The following OR3A2 variants were observed in gnomAD, a reference collection of about 807,000 sequenced individuals.
OR3A2 encodes the protein olfactory receptor family 3 subfamily A member 2.
For synonymous variants in OR3A2, 126 were observed against 159.3 expected (o/e 0.79, Z 1.57); for missense variants, 318 against 392.8 (o/e 0.81, Z 1.61).
chr17:3,326,517 A>G lies in OR3A2; in HGVS notation c.-85+9516T>C, dbSNP rs931962743. Among the ~76,000 whole-genome samples the G allele has an allele frequency of 4.6e-5, 7 of 151,616 alleles. 1 individual carries two copies. Among genetic ancestry groups the G allele is most frequent in the African/African-American group, 1.7e-4 (7 of 41,166 alleles). ...GGACATTTATCAGTTCCCGAAATTAATACTTTTATAATTTCTTATGCCTGT... is the reference window on the plus strand; with the variant it reads ...GGACATTTATCAGTTCCCGAAATTAGTACTTTTATAATTTCTTATGCCTGT... On this transcript the variant is annotated intron_variant, in intron 3 of 4. Coordinates refer to the OR3A2 transcript ENST00000573491.
At chr17:3,292,929 G>A (rs965620234) in intron 3 of OR3A2, among the ~76,000 whole-genome samples, 4 of 152,080 alleles carry the variant, frequency 2.6e-5, no homozygotes, top group South Asian at 2.1e-4. Context: ...GAACATGGCC[G>A]AGTAAATCCA....
intron 2 of OR3A2, among the ~76,000 whole-genome samples, chr17:3,352,193 T>C (rs1363749567): frequency 1.3e-5 from 2 of 151,994 alleles, no homozygotes; most frequent in African/African-American, 4.8e-5. Context: ...TTTTCTCCCA[T>C]TCTGTGGGCT....
intron 2 of OR3A2, among the ~76,000 whole-genome samples, chr17:3,373,704 TC>T: frequency 6.6e-6 from 1 of 152,312 alleles, no homozygotes; most frequent in Admixed American, 6.5e-5. Flanking sequence ...TAGGTGAGCC[TC>T]TTGAAGACAG....
chr17:3,322,096 C>G (rs1405089809), intron 3 of OR3A2, among the ~76,000 whole-genome samples: 1 of 152,080 alleles, frequency 6.6e-6, no homozygotes, highest in African/African-American at 2.4e-5. Context: ...CTGGTTTAGT[C>G]TTGGGAGGAT....
At chr17:3,296,942 G>A (rs942132645) in intron 3 of OR3A2, among the ~76,000 whole-genome samples, 2 of 152,182 alleles carry the variant, frequency 1.3e-5, no homozygotes, top group African/African-American at 2.4e-5. Context: ...TTCAAATTAC[G>A]TTTATGGAAG....
intron 2 of OR3A2, among the ~76,000 whole-genome samples, chr17:3,346,963 A>G (rs1597351990): frequency 6.6e-6 from 1 of 152,174 alleles, no homozygotes; most frequent in Non-Finnish European, 1.5e-5. Flanking sequence ...GTTGCCTCCC[A>G]AAGCTTGGCT....
chr17:3,364,506 C>T (rs1025047007), intron 2 of OR3A2, among the ~76,000 whole-genome samples: 1 of 152,158 alleles, frequency 6.6e-6, no homozygotes, highest in Non-Finnish European at 1.5e-5. Flanking sequence ...CACGTCTCAC[C>T]CAGCCTCTGG....
chr17:3,373,334 G>C (rs2049649552), intron 2 of OR3A2, among the ~76,000 whole-genome samples: 1 of 152,186 alleles, frequency 6.6e-6, no homozygotes. Flanking sequence ...TATAGTTTAA[G>C]TCCATTGTTT....
chr17:3,314,335 C>G (rs1567551576), intron 3 of OR3A2, among the ~76,000 whole-genome samples: 1 of 152,114 alleles, frequency 6.6e-6, no homozygotes, highest in East Asian at 1.9e-4. Context: ...AATTCATCTT[C>G]TAAAGTAAAG....
chr17:3,353,044 G>A (rs192042), intron 2 of OR3A2, among the ~76,000 whole-genome samples: 60,932 of 150,442 alleles, frequency 0.41, 12,603 homozygotes, highest in Admixed American at 0.52. Flanking sequence ...ATTGTTCACT[G>A]TTAGCATATA....
chr17:3,319,165 CATT>C (rs1008757655), intron 3 of OR3A2, among the ~76,000 whole-genome samples: 1 of 151,976 alleles, frequency 6.6e-6, no homozygotes, highest in African/African-American at 2.4e-5. Flanking sequence ...ATTTAGCAAA[CATT>C]ATGATTCTAC....
chr17:3,311,563 T>C lies in OR3A2; in HGVS notation c.-85+24470A>G. The C allele has an allele frequency of 2.3e-6, 1 of 425,836 alleles. No individual in the cohort carries two copies. The highest frequency in any genetic ancestry group is 1.9e-5 in the South Asian group (1 of 52,608). 26.4% of individuals were successfully genotyped at this position (425,836 alleles called of 1,614,324 possible). ...CCCACCTCTTTTCCAGCTCTCTTGC[T>C]CCAGCATCCACCTCAATGGGCAGCT... On this transcript the variant is annotated intron_variant, in intron 3 of 4. Transcript: ENST00000573491. This position sits in a 1 kb window ranked among gnomAD's most constrained non-coding sequence, Gnocchi z 4.6.
exon 2 of OR3A2, chr17:3,277,922 A>T (rs775126724): frequency 6.6e-7 from 1 of 1,526,264 alleles, no homozygotes; most frequent in African/African-American, 1.4e-5. Context: ...TTCATGGGAA[A>T]TTTTCCTCAG....
intron 2 of OR3A2, among the ~76,000 whole-genome samples, chr17:3,379,843 AC>A (rs1325337409): frequency 1.3e-5 from 2 of 152,176 alleles, no homozygotes; most frequent in African/African-American, 2.4e-5. Flanking sequence ...GCAGACCAGC[AC>A]AGCCAGTCAC....
chr17:3,303,020 C>A (rs75462775), intron 3 of OR3A2, among the ~76,000 whole-genome samples: 1 of 152,150 alleles, frequency 6.6e-6, no homozygotes, highest in African/African-American at 2.4e-5. Context: ...ATTAGAGGAC[C>A]TGTAAATAAT....
intron 3 of OR3A2, among the ~76,000 whole-genome samples, chr17:3,326,081 GC>G (rs2049169450): frequency 6.6e-6 from 1 of 152,026 alleles, no homozygotes; most frequent in African/African-American, 2.4e-5. Flanking sequence ...AAGGATAATG[GC>G]TTCCAGCTCC....
intron 3 of OR3A2, among the ~76,000 whole-genome samples, chr17:3,328,013 T>A (rs1338416019): frequency 7.0e-6 from 1 of 143,470 alleles, no homozygotes; most frequent in African/African-American, 2.7e-5. Context: ...TTTGTTCTTT[T>A]GGCTTAGGAT....
At chr17:3,317,524 T>C (rs964692800) in intron 3 of OR3A2, among the ~76,000 whole-genome samples, 15 of 152,138 alleles carry the variant, frequency 9.9e-5, no homozygotes, top group African/African-American at 2.9e-4. Context: ...AGTGAGAAGT[T>C]GGGAGGCCGG....
chr17:3,305,387 A>T (rs2048991552), intron 3 of OR3A2, among the ~76,000 whole-genome samples: 1 of 152,210 alleles, frequency 6.6e-6, no homozygotes, highest in South Asian at 2.1e-4. Context: ...GGATATGAAG[A>T]CTACATGTTT....
Sources: allele counts gnomAD v4.1 joint callset (sites outside exome capture counted in the v4.1 genomes callset), GRCh38; gene constraint gnomAD v4.1.1; non-coding constraint Gnocchi (gnomAD v3.1); transcripts MANE v1.5; gene names NCBI Gene and HGNC (gene_info 2026-07-23, HGNC 2026-07-21).